RFX7: variants seen among roughly 807,000 people sequenced by gnomAD.
The protein encoded by RFX7 is DNA-binding protein RFX7.
Under a neutral mutation model 111.8 loss-of-function variants are expected in RFX7, and 26 were observed. The ratio of observed to expected loss-of-function variants is 0.23; its 90% confidence interval spans 0.17 to 0.32. RFX7 has a LOEUF of 0.32. RFX7 is among the 10% of genes least tolerant of loss of function. The probability of loss-of-function intolerance (pLI) is 1.00; values close to 1 mark genes in which losing one functional copy is unlikely to be tolerated. For synonymous variants in RFX7, 624 were observed against 624.4 expected (o/e 1.00, Z 0.01); for missense variants, 1,573 against 1,772.9 (o/e 0.89, Z 2.02).
chr15:56,189,108 T>A lies in RFX7; in HGVS notation c.162-9805A>T, dbSNP rs574847798. Among the ~76,000 whole-genome samples, 47 of 152,322 alleles carry A rather than the reference T, an allele frequency of 3.1e-4. No homozygotes were observed. The South Asian group carries it at 9.3e-3, about 30-fold the overall frequency. ...TGCTGGGATTACAAGCGTGAGGCAC[T>A]GCGCCCCACTGCAATAAACATTTTT... On this transcript the variant is annotated intron_variant, in intron 2 of 9. Coordinates refer to ENST00000559447, the MANE Select transcript of RFX7 (RefSeq NM_022841.7).
At chr15:56,166,140 G>A (rs928744758) in intron 3 of RFX7, among the ~76,000 whole-genome samples, 15 of 152,114 alleles carry the variant, frequency 9.9e-5, no homozygotes, top group Non-Finnish European at 2.2e-4. Flanking sequence ...GGGCTCAAGG[G>A]ATTCTCCTGC....
intron 5 of RFX7, among the ~76,000 whole-genome samples, chr15:56,108,502 C>G (rs558552947): frequency 6.6e-6 from 1 of 152,108 alleles, no homozygotes; most frequent in Non-Finnish European, 1.5e-5. Context: ...ATGCAATATC[C>G]CTTTATGTTA....
chr15:56,147,679 T>C (rs1201047510), intron 3 of RFX7, among the ~76,000 whole-genome samples: 1 of 152,114 alleles, frequency 6.6e-6, no homozygotes, highest in Non-Finnish European at 1.5e-5. Context: ...GTTCACACCA[T>C]TCTCCTGACT....
intron 2 of RFX7, among the ~76,000 whole-genome samples, chr15:56,191,753 G>A (rs935444099): frequency 2.0e-5 from 3 of 152,046 alleles, no homozygotes; most frequent in African/African-American, 4.8e-5. Context: ...CAGGAAAACC[G>A]ACCTCTTACT....
chr15:56,098,587 G>A (rs541699073), intron 8 of RFX7, among the ~76,000 whole-genome samples: 22 of 152,244 alleles, frequency 1.4e-4, no homozygotes, highest in South Asian at 1.0e-3. Context: ...TTCAACTCAG[G>A]CGACAGTTTC....
At chr15:56,204,866 C>T (rs1567045828) in intron 2 of RFX7, among the ~76,000 whole-genome samples, 1 of 152,086 alleles carries the variant, frequency 6.6e-6, no homozygotes, top group Non-Finnish European at 1.5e-5. Context: ...TAGGCGTGCT[C>T]AATAATCTGT....
In RFX7 at chr15:56,153,115, G is replaced by A. The variant is rs558372777; in HGVS notation, c.196-8632C>T. On this transcript the variant is annotated intron_variant, in intron 3 of 9. Coordinates refer to ENST00000559447, the MANE Select transcript of RFX7 (RefSeq NM_022841.7). The stretch of plus-strand genomic sequence containing the variant: ...TCCATGACCAGACGGATTCACAGCC[G>A]AATTCTACCAGAGGTACAAAGAGGA... Among the ~76,000 whole-genome samples, 19 of 152,210 alleles carry A rather than the reference G, an allele frequency of 1.2e-4. No individual in the cohort carries two copies. In the South Asian group the frequency reaches 3.1e-3, roughly 25 times the overall value.
rs74247157 is a variant in RFX7, at chr15:56,239,616, G to A, written c.161+3509C>T. Among the ~76,000 whole-genome samples the A allele has an allele frequency of 1.0e-3, 152 of 152,194 alleles. 4 individuals are homozygous for A. The East Asian group carries it at 0.029, about 29-fold the overall frequency. ...TGTGTGATACAATGAAGTCAGGTGT[G>A]GAATTTTTCACTTGTGGCACTAAAA... On this transcript the variant is annotated intron_variant, in intron 2 of 9. Transcript: ENST00000559447.
chr15:56,133,564 A>C (rs1358043937), intron 5 of RFX7, among the ~76,000 whole-genome samples: 2 of 152,096 alleles, frequency 1.3e-5, no homozygotes, highest in Non-Finnish European at 2.9e-5. Context: ...TTTGTTCGGG[A>C]AATTTCATTT....
At chr15:56,239,191 T>C (rs1259744586) in intron 2 of RFX7, among the ~76,000 whole-genome samples, 3 of 152,206 alleles carry the variant, frequency 2.0e-5, no homozygotes, top group Non-Finnish European at 4.4e-5. Flanking sequence ...ATGAGCATCT[T>C]AGGGATGTAA....
At chr15:56,110,387 C>G (rs867830118) in intron 5 of RFX7, among the ~76,000 whole-genome samples, 21 of 111,132 alleles carry the variant, frequency 1.9e-4, no homozygotes, top group African/African-American at 4.6e-4. Context: ...GTCAGCCCCC[C>G]GCCCGGCCAG....
rs1225589031 is a variant in RFX7 at position 56,183,073 on chromosome 15, T to C, written c.162-3770A>G. On this transcript the variant is annotated intron_variant, in intron 2 of 9. Transcript: ENST00000559447. Reference sequence around the variant, plus strand: ...CAATGGGCATGAAATTGTATTTTTTTAAAAAATTGTCTTTTCCTCAATTAC... The same window carrying C: ...CAATGGGCATGAAATTGTATTTTTTCAAAAAATTGTCTTTTCCTCAATTAC... Among the ~76,000 whole-genome samples the C allele has an allele frequency of 2.0e-5, 3 of 152,090 alleles. No individual in the cohort carries two copies. In the South Asian group the frequency reaches 6.2e-4, roughly 31 times the overall value.
intron 5 of RFX7, among the ~76,000 whole-genome samples, chr15:56,112,379 C>CAAAAAAAAAAAAAAAAAAAAAAAAAAAAA (rs71110374): frequency 1.4e-5 from 1 of 71,766 alleles, no homozygotes; most frequent in African/African-American, 5.7e-5. Context: ...GAGTACAAAT[C>CAAAAAAAAAAAAAAAAAAAAAAAAAAAAA]AAAAAAAAAA....
chr15:56,118,916 T>A (rs1346987243), intron 5 of RFX7, among the ~76,000 whole-genome samples: 2 of 152,246 alleles, frequency 1.3e-5, no homozygotes, highest in African/African-American at 4.8e-5. Flanking sequence ...TATATTGTTG[T>A]TTTGATTTGT....
chr15:56,096,815 C>T (rs2041685641), intron 9 of RFX7, among the ~76,000 whole-genome samples, 195 bp from the exon 10 acceptor site: 1 of 152,116 alleles, frequency 6.6e-6, no homozygotes, highest in Non-Finnish European at 1.5e-5. Context: ...AACCATAATG[C>T]ATTATAATTA....
chr15:56,204,501 A>T (rs2043230910), intron 2 of RFX7, among the ~76,000 whole-genome samples: 1 of 152,224 alleles, frequency 6.6e-6, no homozygotes, highest in Non-Finnish European at 1.5e-5. Flanking sequence ...CTACTCCTAC[A>T]AACCCAGGGA....
At position 56,243,536 on chromosome 15, in the gene RFX7, G is replaced by A. The variant is rs1295929799; in HGVS notation, c.-94C>T. The A allele has an allele frequency of 1.0e-4, 100 of 983,838 alleles. No homozygotes were observed. The highest frequency in any genetic ancestry group is 1.1e-4 in the Non-Finnish European group (93 of 828,946). 60.9% of individuals were successfully genotyped at this position (983,838 alleles called of 1,614,324 possible). A position where few individuals can be genotyped will look rare whatever the true frequency, so the allele number is the denominator to read the frequency against. On this transcript the variant is annotated 5_prime_UTR_variant, in exon 1 of 10. Transcript: ENST00000559447. ...CTCACGGCCGGGGCGCTTCACCGCG[G>A]GAGAGGCATGGCGGCGCCCCTCAGC...
intron 3 of RFX7, among the ~76,000 whole-genome samples, chr15:56,146,457 A>G (rs1237526068): frequency 6.6e-6 from 1 of 152,158 alleles, no homozygotes; most frequent in Admixed American, 6.5e-5. Context: ...AGAGAAGGTT[A>G]TAATAATAAA....
In RFX7 at chr15:56,093,659, C is replaced by T. The variant is rs1396267732; in HGVS notation, c.4069G>A (p.Asp1357Asn). 28 of 1,613,740 alleles carry T rather than the reference C, an allele frequency of 1.7e-5. No homozygotes were observed. The highest frequency in any genetic ancestry group is 2.3e-5 in the Non-Finnish European group (27 of 1,179,846). Residue 1357 changes from aspartate (D) to asparagine (N), a missense_variant, in exon 10 of 10, where the codon GAC (aspartate) becomes AAC (asparagine). Transcript: ENST00000559447. Reference sequence around the variant, plus strand: ...AGCTGCTGGTTGGTTTGCAAGCTGTCTCCACTCAACAGGTCTTTAACAGTG... The same window carrying T: ...AGCTGCTGGTTGGTTTGCAAGCTGTTTCCACTCAACAGGTCTTTAACAGTG... ...NSTVKDLLSG[D>N]SLQTNQQLVG...
Sources: allele counts gnomAD v4.1 joint callset (sites outside exome capture counted in the v4.1 genomes callset), GRCh38; gene constraint gnomAD v4.1.1; transcripts MANE v1.5; gene names NCBI Gene and HGNC (gene_info 2026-07-23, HGNC 2026-07-21).